TMEM44: variants seen among roughly 807,000 people sequenced by gnomAD.
The protein encoded by TMEM44 is transmembrane protein 44.
A neutral mutation model predicts 47.8 loss-of-function variants in TMEM44; 43 were observed. That is an observed-to-expected ratio of 0.90 (90% CI 0.70 to 1.16). TMEM44 has a LOEUF of 1.16. TMEM44 is among the 50% of genes most tolerant of loss of function. The pLI is 0.00. For synonymous variants in TMEM44, 277 were observed against 238.8 expected (o/e 1.16, Z -1.48); for missense variants, 568 against 555.2 (o/e 1.02, Z -0.23).
intron 6 of TMEM44, chr3:194,616,553 G>A (rs1016612490): frequency 2.2e-6 from 1 of 456,646 alleles, no homozygotes; most frequent in African/African-American, 2.0e-5. Flanking sequence ...AGGGACACCA[G>A]GAGCCACTAG....
intron 5 of TMEM44, chr3:194,617,643 G>A (rs1716057234): frequency 1.4e-6 from 1 of 703,714 alleles, no homozygotes; most frequent in Admixed American, 2.0e-5. Flanking sequence ...CACCATCTCA[G>A]TGCCCAGCAC....
chr3:194,593,593 G>A (rs987753347), intron 9 of TMEM44, among the ~76,000 whole-genome samples: 1 of 152,078 alleles, frequency 6.6e-6, no homozygotes, highest in Admixed American at 6.6e-5. Flanking sequence ...TGCAGGGCAG[G>A]CATCACGTCT....
In TMEM44 at chr3:194,623,088, T is replaced by C; in HGVS notation, c.612+136A>G. 8 of 812,878 alleles carry C rather than the reference T, an allele frequency of 9.8e-6. No homozygotes were observed. In the South Asian group the frequency reaches 1.6e-4, roughly 16 times the overall value. The allele number at this position is 812,878 out of a possible 1,614,324, so 50.4% of individuals were successfully genotyped here. A position where few individuals can be genotyped will look rare whatever the true frequency, so the allele number is the denominator to read the frequency against. On this transcript the variant is annotated intron_variant, in intron 5 of 9. Coordinates refer to ENST00000347147, the MANE Select transcript of TMEM44 (RefSeq NM_001011655.3). The stretch of plus-strand genomic sequence containing the variant: ...TCCTTGCTGTCATACACACTAACGC[T>C]CTTCAGGAAAAGCTGAGCCCATGTC...
chr3:194,629,525 C>CT (rs1176859983), intron 1 of TMEM44, among the ~76,000 whole-genome samples: 1 of 152,148 alleles, frequency 6.6e-6, no homozygotes, highest in Non-Finnish European at 1.5e-5. Flanking sequence ...CCCGAAGGGG[C>CT]TGGCTGTATC....
chr3:194,620,695 T>C (rs1014816179), intron 5 of TMEM44, among the ~76,000 whole-genome samples: 1 of 151,310 alleles, frequency 6.6e-6, no homozygotes, highest in East Asian at 1.9e-4. Flanking sequence ...TTAGGTGGGG[T>C]GGTGTTATGA....
chr3:194,601,531 G>A (rs976518571), intron 9 of TMEM44, among the ~76,000 whole-genome samples: 4 of 151,906 alleles, frequency 2.6e-5, no homozygotes, highest in African/African-American at 7.3e-5. Flanking sequence ...CTCGAACTCC[G>A]ATCTCAGATG....
At chr3:194,608,542 G>A (rs887287877) in intron 8 of TMEM44, among the ~76,000 whole-genome samples, 14 of 152,250 alleles carry the variant, frequency 9.2e-5, no homozygotes, top group Admixed American at 2.0e-4. Flanking sequence ...ATAAAATAGA[G>A]GAGAAGGACA....
At chr3:194,601,236 C>G (rs1714074133) in intron 9 of TMEM44, among the ~76,000 whole-genome samples, 1 of 151,568 alleles carries the variant, frequency 6.6e-6, no homozygotes, top group Non-Finnish European at 1.5e-5. Flanking sequence ...CTCCGCCCCT[C>G]CGGGTTCAAA....
At chr3:194,621,312 C>T (rs527822847) in intron 5 of TMEM44, among the ~76,000 whole-genome samples, 10 of 152,288 alleles carry the variant, frequency 6.6e-5, no homozygotes, top group Admixed American at 2.0e-4. Flanking sequence ...ATGGCCCTGC[C>T]GGCACCTTGC....
At chr3:194,626,072 T>A in intron 2 of TMEM44, 82 bp from the exon 3 acceptor site, 1 of 1,085,168 alleles carries the variant, frequency 9.2e-7, no homozygotes, top group Non-Finnish European at 1.4e-6. Flanking sequence ...GGACCCTGTA[T>A]CACATGGGTT....
At chr3:194,600,947 C>T (rs1057183307) in intron 9 of TMEM44, among the ~76,000 whole-genome samples, 1 of 152,192 alleles carries the variant, frequency 6.6e-6, no homozygotes, top group Non-Finnish European at 1.5e-5. Flanking sequence ...TACAGGACCT[C>T]AGCGGCTTTG....
intron 9 of TMEM44, among the ~76,000 whole-genome samples, chr3:194,599,588 T>TTTC (rs1553826568): frequency 2.2e-4 from 14 of 62,762 alleles, no homozygotes; most frequent in African/African-American, 6.3e-4. Context: ...TTTCTTTTCT[T>TTTC]TTTTTTTTTT....
At chr3:194,632,949 T>C (rs921457509) in intron 1 of TMEM44, 130 bp downstream of exon 1, 15 of 1,286,228 alleles carry the variant, frequency 1.2e-5, no homozygotes, top group South Asian at 4.2e-5. Context: ...CAATGTTCCA[T>C]TGGATCCTAT....
At chr3:194,619,519 C>T (rs1398762408) in intron 5 of TMEM44, among the ~76,000 whole-genome samples, 1 of 152,208 alleles carries the variant, frequency 6.6e-6, no homozygotes, top group Non-Finnish European at 1.5e-5. Context: ...GGTGTCAGCA[C>T]AACGCTTCAC....
At chr3:194,599,037 C>T (rs1033104091) in intron 9 of TMEM44, among the ~76,000 whole-genome samples, 3 of 152,308 alleles carry the variant, frequency 2.0e-5, no homozygotes, top group Admixed American at 1.3e-4. Flanking sequence ...AGTCCAAGAG[C>T]AGAGACAGAC....
At chr3:194,610,440 C>G (rs1325424016) in intron 8 of TMEM44, among the ~76,000 whole-genome samples, 2 of 152,160 alleles carry the variant, frequency 1.3e-5, no homozygotes, top group South Asian at 4.1e-4. Context: ...TACACATTTT[C>G]CCTTTCATAA....
intron 5 of TMEM44, 30 bp from the exon 6 acceptor site, chr3:194,617,299 G>GGGGGGGGGGGGC: frequency 1.8e-5 from 11 of 619,676 alleles, no homozygotes; most frequent in Non-Finnish European, 2.7e-5. Context: ...GGCTGGGCGG[G>GGGGGGGGGGGGC]AGAAGCAGCA....
intron 9 of TMEM44, among the ~76,000 whole-genome samples, chr3:194,593,270 A>C (rs1387615540): frequency 6.6e-6 from 1 of 152,158 alleles, no homozygotes; most frequent in African/African-American, 2.4e-5. Flanking sequence ...TAGTTAAATG[A>C]TCAATGAGAT....
At chr3:194,627,617 G>C (rs963796752) in intron 2 of TMEM44, among the ~76,000 whole-genome samples, 7 of 152,138 alleles carry the variant, frequency 4.6e-5, no homozygotes, top group African/African-American at 1.7e-4. Context: ...TTAAGTGATG[G>C]GGATACAGCA....
Sources: gnomAD v4.1 joint callset for allele counts (sites outside exome capture counted in the v4.1 genomes callset) on GRCh38, gnomAD v4.1.1 for gene constraint, MANE v1.5 for transcripts, NCBI Gene and HGNC (gene_info 2026-07-23, HGNC 2026-07-21) for gene names.